ABCA13: variants seen among roughly 807,000 people sequenced by gnomAD.
The protein encoded by ABCA13 is ATP binding cassette subfamily A member 13.
Under a neutral mutation model 478.7 loss-of-function variants are expected in ABCA13, and 476 were observed. The observed-to-expected ratio is 0.99, with a 90% CI of 0.92 to 1.07. The LOEUF is 1.07. ABCA13 is among the 50% of genes least tolerant of loss of function. The probability of loss-of-function intolerance (pLI) is 0.00; values close to 1 mark genes in which losing one functional copy is unlikely to be tolerated. For missense variants in ABCA13, 6,060 were observed against 5,910.6 expected, an observed-to-expected ratio of 1.03 and a Z score of -0.83; for synonymous variants, 2,252 against 2,158.9, an observed-to-expected ratio of 1.04 and a Z score of -1.20.
At chr7:48,442,078 G>T (rs73327761) in intron 42 of ABCA13, among the ~76,000 whole-genome samples, 7 of 152,160 alleles carry the variant, frequency 4.6e-5, no homozygotes. Flanking sequence ...GTGCCCATGG[G>T]GCCAGCTTTT....
At chr7:48,240,599 T>A (rs1436450704) in intron 9 of ABCA13, among the ~76,000 whole-genome samples, 1 of 152,204 alleles carries the variant, frequency 6.6e-6, no homozygotes, top group East Asian at 1.9e-4. Context: ...GTGTATGTTA[T>A]TCCCTTCTCT....
At position 48,246,035 on chromosome 7, in the gene ABCA13, G is replaced by A. The variant is rs1791621365; in HGVS notation, c.1659+5G>A. ...CTTGGTTCAGTAGAGGATGCTGTAA[G>A]TATTCTACCATCTTAGCTCTTCTAA... On this transcript the variant is annotated splice_donor_5th_base_variant and intron_variant, in intron 13 of 61. Coordinates refer to ENST00000435803, the MANE Select transcript of ABCA13 (RefSeq NM_152701.5). 6.2e-7 allele frequency: 1 copy of A among 1,611,662 alleles called. No homozygotes were observed. The highest frequency in any genetic ancestry group is 8.5e-7 in the Non-Finnish European group (1 of 1,178,650).
chr7:48,223,832 G>C (rs532808568), intron 5 of ABCA13, among the ~76,000 whole-genome samples: 1 of 151,846 alleles, frequency 6.6e-6, no homozygotes, highest in Non-Finnish European at 1.5e-5. Context: ...AATGGCAGGT[G>C]CCTATAATCC....
intron 55 of ABCA13, among the ~76,000 whole-genome samples, chr7:48,541,216 G>A (rs1430606832): frequency 3.3e-5 from 5 of 152,044 alleles, no homozygotes; most frequent in Non-Finnish European, 7.4e-5. Context: ...AATATGAAAG[G>A]CTGTGGCATT....
rs567208158 is a variant in ABCA13 at position 48,288,739 on chromosome 7, A to G, written c.8955+661A>G. On this transcript the variant is annotated intron_variant, in intron 20 of 61. Coordinates refer to ENST00000435803, the MANE Select transcript of ABCA13 (RefSeq NM_152701.5). ...GCTAGTACCAAAAATTGATGGCTGA[A>G]TGGGAACCAGCATAGCAATTTCCTT... 3.3e-5 allele frequency among the ~76,000 whole-genome samples: 5 copies of G among 152,332 alleles called. No individual in the cohort carries two copies. In the South Asian group the frequency reaches 1.0e-3, roughly 32 times the overall value.
rs560500109 is a variant in ABCA13 at position 48,345,873 on chromosome 7, T to C, written c.10205-4770T>C. Among the ~76,000 whole-genome samples, 6 of 152,378 alleles carry C rather than the reference T, an allele frequency of 3.9e-5. No individual in the cohort carries two copies. The South Asian group carries it at 1.0e-3, about 26-fold the overall frequency. ...AGCAACTTCCAGCCTGCAAGCTTTA[T>C]TGGTGAGTACTCAATCTAAGTGTAT... is the stretch of plus-strand genomic sequence containing the variant. On this transcript the variant is annotated intron_variant, in intron 29 of 61. Transcript: ENST00000435803.
At chr7:48,211,870 T>G (rs1024846761) in intron 3 of ABCA13, among the ~76,000 whole-genome samples, 13 of 151,774 alleles carry the variant, frequency 8.6e-5, no homozygotes, top group Admixed American at 8.5e-4. Context: ...ATATTCCTTC[T>G]CCCTTCCTCA....
chr7:48,367,383 T>A (rs1811841324), intron 31 of ABCA13, among the ~76,000 whole-genome samples: 2 of 152,192 alleles, frequency 1.3e-5, no homozygotes, highest in South Asian at 2.1e-4. Context: ...AAGACTTTCA[T>A]TTGCCAATTT....
At chr7:48,496,823 TC>T (rs1392844893) in intron 48 of ABCA13, among the ~76,000 whole-genome samples, 1 of 152,154 alleles carries the variant, frequency 6.6e-6, no homozygotes, top group Non-Finnish European at 1.5e-5. Flanking sequence ...GGTATTTTCT[TC>T]CTTCTCTCTT....
At chr7:48,520,426 G>T (rs1276593204) in intron 53 of ABCA13, 132 bp downstream of exon 53, 3 of 1,075,076 alleles carry the variant, frequency 2.8e-6, no homozygotes, top group Non-Finnish European at 3.6e-6. Context: ...AATGCGTTAA[G>T]ATTTTATTAT....
At position 48,298,484 on chromosome 7, in the gene ABCA13, C is replaced by T; in HGVS notation, c.9318C>T (p.Ser3106=). 1 of 1,612,448 alleles carries T rather than the reference C, an allele frequency of 6.2e-7. No individual in the cohort carries two copies. The highest frequency in any genetic ancestry group is 1.7e-5 in the Admixed American group (1 of 59,782). Residue 3106 remains serine (S), a synonymous_variant, in exon 23 of 62, where the codon TCC becomes TCT. Coordinates refer to ENST00000435803, the MANE Select transcript of ABCA13 (RefSeq NM_152701.5). ...TTCTAGAAGCAAATATTTCCCACTC[C>T]AAGGTGTGGTGCTGTTTCTTGTCTG... is the stretch of plus-strand genomic sequence containing the variant. ...HSILEANISH[S]KVLFSALTVA...
Position 48,275,549 on chromosome 7 carries a change from T to A in ABCA13, c.5883T>A (p.Asn1961Lys). Residue 1961 changes from asparagine (N) to lysine (K), a missense_variant, in exon 17 of 62, where the codon AAT (asparagine) becomes AAA (lysine). This residue lies in a region of ABCA13 where 4,423 missense variants were observed against 4,309.1 expected (regional missense o/e 1.03). Coordinates refer to ENST00000435803, the MANE Select transcript of ABCA13 (RefSeq NM_152701.5). ...VALQIIEKLK[N>K]VNFTKVTSGE... ...TGCAAATCATAGAAAAACTTAAAAA[T>A]GTCAACTTTACAAAAGTTACATCAG... The A allele has an allele frequency of 1.2e-6, 2 of 1,613,780 alleles. No homozygotes were observed. The highest frequency in any genetic ancestry group is 1.6e-4 in the Middle Eastern group (1 of 6,062).
intron 42 of ABCA13, among the ~76,000 whole-genome samples, chr7:48,442,365 A>G (rs999691643): frequency 6.6e-6 from 1 of 152,128 alleles, no homozygotes; most frequent in African/African-American, 2.4e-5. Flanking sequence ...ATGTTATCTG[A>G]TTTGCCCAAA....
chr7:48,432,054 A>G (rs990179585), intron 42 of ABCA13, among the ~76,000 whole-genome samples: 1 of 152,198 alleles, frequency 6.6e-6, no homozygotes, highest in Non-Finnish European at 1.5e-5. Flanking sequence ...CACGTTGTGC[A>G]CATGTACCCT....
intron 2 of ABCA13, 53 bp downstream of exon 2, chr7:48,193,105 C>A: frequency 8.0e-7 from 1 of 1,243,880 alleles, no homozygotes; most frequent in Non-Finnish European, 1.1e-6. Flanking sequence ...AGAAAAAAAA[C>A]TCATAGCACT....
intron 59 of ABCA13, among the ~76,000 whole-genome samples, chr7:48,635,371 G>C (rs988179333): frequency 6.6e-6 from 1 of 152,168 alleles, no homozygotes; most frequent in Non-Finnish European, 1.5e-5. Flanking sequence ...GCAACATCAT[G>C]TTTCTTTCTG....
intron 47 of ABCA13, among the ~76,000 whole-genome samples, chr7:48,486,162 A>C (rs1829275777): frequency 6.6e-6 from 1 of 152,172 alleles, no homozygotes; most frequent in African/African-American, 2.4e-5. Context: ...AATTAGTGGC[A>C]TTTGGGGAAT....
intron 22 of ABCA13, among the ~76,000 whole-genome samples, chr7:48,297,837 T>C (rs1398101686): frequency 1.3e-5 from 2 of 151,260 alleles, no homozygotes; most frequent in Non-Finnish European, 2.9e-5. Flanking sequence ...TACAGTGGCG[T>C]GATCTCGGCT....
intron 29 of ABCA13, among the ~76,000 whole-genome samples, chr7:48,347,574 C>T (rs886899532): frequency 1.7e-4 from 26 of 152,190 alleles, no homozygotes; most frequent in Admixed American, 8.5e-4. Flanking sequence ...GCACTGGCTC[C>T]GCATCAGCCA....
Sources: allele counts gnomAD v4.1 joint callset (sites outside exome capture counted in the v4.1 genomes callset), GRCh38; gene constraint gnomAD v4.1.1; regional missense constraint gnomAD v4.1.1; transcripts MANE v1.5; gene names NCBI Gene and HGNC (gene_info 2026-07-23, HGNC 2026-07-21).